Variants in PHACTR3 observed in about 807,000 individuals in gnomAD.
PHACTR3 encodes protein phosphatase 1, regulatory subunit 123.
PHACTR3 carries 16 observed loss-of-function variants against 66.8 expected under a neutral mutation model. The observed-to-expected ratio is 0.24, with a 90% CI of 0.16 to 0.36. PHACTR3 has a LOEUF of 0.36. Ranked by LOEUF, PHACTR3 falls within the 10% of genes least tolerant of loss-of-function variation. PHACTR3 has a pLI of 1.00. For missense variants in PHACTR3, 647 were observed against 719.9 expected (o/e 0.90, Z 1.16); for synonymous variants, 323 against 292.1 (o/e 1.11, Z -1.08).
Position 59,830,522 on chromosome 20 carries a change from G to A in PHACTR3, c.1329-5983G>A, listed in dbSNP as rs967826817. ...AGGGTGTGAGCATCCGTCTGATGGA[G>A]GAGGCTGTGAGTGTCTGAAGGAGGA... is the stretch of plus-strand genomic sequence containing the variant. On this transcript the variant is annotated intron_variant, in intron 8 of 12. Coordinates refer to ENST00000371015, the MANE Select transcript of PHACTR3 (RefSeq NM_080672.5). The surrounding 1 kb of genome is among the most constrained non-coding windows in gnomAD (Gnocchi z 5.8). Among the ~76,000 whole-genome samples the A allele has an allele frequency of 2.6e-5, 4 of 152,140 alleles. No individual in the cohort carries two copies. Among genetic ancestry groups the A allele is most frequent in the Non-Finnish European group, 5.9e-5 (4 of 68,024 alleles).
At chr20:59,687,192 G>A (rs374964729) in intron 1 of PHACTR3, among the ~76,000 whole-genome samples, 25 of 150,754 alleles carry the variant, frequency 1.7e-4, no homozygotes, top group Non-Finnish European at 3.1e-4. Context: ...TGGTGATGAC[G>A]ATGATGATCA....
intron 1 of PHACTR3, among the ~76,000 whole-genome samples, chr20:59,627,103 T>C (rs2034480386): frequency 6.6e-6 from 1 of 152,162 alleles, no homozygotes. Flanking sequence ...TGAGGGGAGC[T>C]AATGTCTGAA....
chr20:59,737,850 A>C (rs1159896239), intron 1 of PHACTR3, among the ~76,000 whole-genome samples: 1 of 152,076 alleles, frequency 6.6e-6, no homozygotes, highest in East Asian at 1.9e-4. Flanking sequence ...TGAGTGAGTG[A>C]GTGAGTGAAT....
At chr20:59,596,453 C>A (rs1314862328) in intron 1 of PHACTR3, among the ~76,000 whole-genome samples, 1 of 152,114 alleles carries the variant, frequency 6.6e-6, no homozygotes, top group Non-Finnish European at 1.5e-5. Flanking sequence ...TGGTACTGAA[C>A]CTTCTGTAAA....
intron 1 of PHACTR3, among the ~76,000 whole-genome samples, chr20:59,678,638 G>A (rs934958071): frequency 2.0e-5 from 3 of 152,170 alleles, no homozygotes; most frequent in Admixed American, 6.5e-5. Flanking sequence ...AGAGCTTACC[G>A]TGTTTTGTAA....
Position 59,612,911 on chromosome 20 carries a change from A to G in PHACTR3, c.118+7779A>G, listed in dbSNP as rs557046802. ...TATGGCAGAAGGCAAAGGGGGAGCC[A>G]GCACATCACACAGTGAGAGTGGAAG... is the stretch of plus-strand genomic sequence containing the variant. On this transcript the variant is annotated intron_variant, in intron 1 of 12. Transcript: ENST00000371015. 1.4e-3 allele frequency among the ~76,000 whole-genome samples: 206 copies of G among 152,344 alleles called. 1 individual carries two copies. The highest frequency in any genetic ancestry group is 4.4e-3 in the African/African-American group (183 of 41,588).
Position 59,847,105 on chromosome 20 carries a change from T to A in PHACTR3, c.1665-10T>A, listed in dbSNP as rs567885833. 3 of 1,513,184 alleles carry A rather than the reference T, an allele frequency of 2.0e-6. No individual in the cohort carries two copies. The East Asian group carries it at 6.8e-5, about 34-fold the overall frequency. 93.7% of individuals were successfully genotyped at this position (1,513,184 alleles called of 1,614,324 possible). Reference sequence around the variant, plus strand: ...AACCTTAAATTCTTTGTCTTTTTTATAATCTCTAGATTCCACAGGCCATAG... The same window carrying A: ...AACCTTAAATTCTTTGTCTTTTTTAAAATCTCTAGATTCCACAGGCCATAG... On this transcript the variant is annotated splice_polypyrimidine_tract_variant and intron_variant, in intron 12 of 12. Coordinates refer to ENST00000371015, the MANE Select transcript of PHACTR3 (RefSeq NM_080672.5).
At chr20:59,692,380 A>G (rs2037142944) in intron 1 of PHACTR3, among the ~76,000 whole-genome samples, 2 of 152,218 alleles carry the variant, frequency 1.3e-5, no homozygotes, top group African/African-American at 2.4e-5. Context: ...CAACTTATAA[A>G]TAGCCTCAGG....
In PHACTR3 at chr20:59,744,738, A is replaced by G. The variant is rs1601245479; in HGVS notation, c.280+1470A>G. On this transcript the variant is annotated intron_variant, in intron 2 of 12. Coordinates refer to ENST00000371015, the MANE Select transcript of PHACTR3 (RefSeq NM_080672.5). ...TTCTTGTTGAAGTGGAAACAGAACA[A>G]GCATCATCATTCGGCAGATCTTGAG... 2.0e-5 allele frequency among the ~76,000 whole-genome samples: 3 copies of G among 152,378 alleles called. No homozygotes were observed. In the South Asian group the frequency reaches 6.2e-4, roughly 32 times the overall value.
At chr20:59,765,181 C>T (rs961187188) in intron 4 of PHACTR3, among the ~76,000 whole-genome samples, 1 of 152,180 alleles carries the variant, frequency 6.6e-6, no homozygotes, top group Admixed American at 6.5e-5. Context: ...CTAAGTGAAA[C>T]AACTAATCAG....
At chr20:59,692,524 A>T (rs2146584124) in intron 1 of PHACTR3, among the ~76,000 whole-genome samples, 1 of 152,346 alleles carries the variant, frequency 6.6e-6, no homozygotes. Context: ...CTAGTGATGC[A>T]AGCAACAAAC....
At chr20:59,802,292 A>T (rs866902343) in intron 7 of PHACTR3, among the ~76,000 whole-genome samples, 3 of 152,156 alleles carry the variant, frequency 2.0e-5, no homozygotes, top group South Asian at 2.1e-4. Context: ...GCAAATGTGG[A>T]CAGAGAGTGA....
At chr20:59,637,050 G>A (rs778720140) in intron 1 of PHACTR3, among the ~76,000 whole-genome samples, 6 of 152,230 alleles carry the variant, frequency 3.9e-5, no homozygotes, top group African/African-American at 7.2e-5. Context: ...GGAAATTGCC[G>A]TGCTTCCAAA....
rs183153561 is a variant in PHACTR3 at position 59,655,961 on chromosome 20, C to T, written c.118+50829C>T. Among the ~76,000 whole-genome samples the T allele has an allele frequency of 4.7e-3, 715 of 151,812 alleles. 5 individuals carry two copies. Among genetic ancestry groups the T allele is most frequent in the Non-Finnish European group, 8.6e-3 (580 of 67,746 alleles). On this transcript the variant is annotated intron_variant, in intron 1 of 12. Transcript: ENST00000371015. The stretch of plus-strand genomic sequence containing the variant: ...ATATGTTTGTGAATCCCCTAAGTTT[C>T]TTTCTGTTATTGCTTTCTAATTTCA...
chr20:59,592,338 G>C (rs2033207614), intron 1 of PHACTR3, among the ~76,000 whole-genome samples: 1 of 152,076 alleles, frequency 6.6e-6, no homozygotes, highest in Non-Finnish European at 1.5e-5. Flanking sequence ...CTGAGAGGAA[G>C]GTACAGGAAT....
intron 1 of PHACTR3, among the ~76,000 whole-genome samples, chr20:59,681,873 G>A (rs922097532): frequency 2.0e-5 from 3 of 152,116 alleles, no homozygotes; most frequent in Non-Finnish European, 4.4e-5. Context: ...AGCTGGGAGT[G>A]GTGGCACATG....
At chr20:59,654,214 T>C (rs2146457849) in intron 1 of PHACTR3, among the ~76,000 whole-genome samples, 1 of 152,308 alleles carries the variant, frequency 6.6e-6, no homozygotes. Flanking sequence ...ATTCTGAAAG[T>C]TGCTAAAAAA....
chr20:59,654,607 G>A (rs935126975), intron 1 of PHACTR3, among the ~76,000 whole-genome samples: 9 of 152,140 alleles, frequency 5.9e-5, no homozygotes, highest in East Asian at 1.9e-4. Context: ...GCCTGAATGT[G>A]ACCAAGCTTT....
chr20:59,830,235 T>C lies in PHACTR3; in HGVS notation c.1329-6270T>C, dbSNP rs1436426209. On this transcript the variant is annotated intron_variant, in intron 8 of 12. Coordinates refer to ENST00000371015, the MANE Select transcript of PHACTR3 (RefSeq NM_080672.5). The surrounding 1 kb of genome is among the most constrained non-coding windows in gnomAD (Gnocchi z 5.8). ...GATAGAAGAGGGCGTGAGTGTCTGA[T>C]GGAAGAGGGTATGAGTGTCTGATAG... 6.6e-6 allele frequency among the ~76,000 whole-genome samples: 1 copy of C among 151,952 alleles called. No individual in the cohort carries two copies. The highest frequency in any genetic ancestry group is 1.5e-5 in the Non-Finnish European group (1 of 67,986).
Sources: allele counts gnomAD v4.1 joint callset (sites outside exome capture counted in the v4.1 genomes callset), GRCh38; gene constraint gnomAD v4.1.1; non-coding constraint Gnocchi (gnomAD v3.1); transcripts MANE v1.5; gene names NCBI Gene and HGNC (gene_info 2026-07-23, HGNC 2026-07-21).